Variants in TTC7B observed in about 807,000 individuals in gnomAD.
TTC7B encodes tetratricopeptide repeat protein 7B.
A neutral mutation model predicts 106.8 loss-of-function variants in TTC7B; 28 were observed. The observed-to-expected ratio is 0.26, with a 90% CI of 0.19 to 0.36. The LOEUF (loss-of-function observed/expected upper bound fraction) is 0.36. Ranked by LOEUF, TTC7B falls within the 10% of genes least tolerant of loss-of-function variation. The pLI is 1.00. For synonymous variants in TTC7B, 405 were observed against 430.6 expected (o/e 0.94, Z 0.74); for missense variants, 862 against 1,076.4 (o/e 0.80, Z 2.79).
At chr14:90,692,208 G>T (rs1020662090) in intron 6 of TTC7B, among the ~76,000 whole-genome samples, 12 of 152,026 alleles carry the variant, frequency 7.9e-5, no homozygotes, top group East Asian at 7.7e-4. Flanking sequence ...AACATCTGTG[G>T]TTTTTTTTGT....
In TTC7B at chr14:90,808,095, T is replaced by C. The variant is rs1210879459; in HGVS notation, c.121+8080A>G. Among the ~76,000 whole-genome samples, 1 of 152,204 alleles carries C rather than the reference T, an allele frequency of 6.6e-6. No homozygotes were observed. The highest frequency in any genetic ancestry group is 1.5e-5 in the Non-Finnish European group (1 of 68,034). Reference sequence around the variant, plus strand: ...AATTACCCCTGACATCATTCGCTTGTTGTGATGATTAACTGAGATCTGTGT... The same window carrying C: ...AATTACCCCTGACATCATTCGCTTGCTGTGATGATTAACTGAGATCTGTGT... On this transcript the variant is annotated intron_variant, in intron 1 of 19. Transcript: ENST00000328459. This position sits in a 1 kb window ranked among gnomAD's most constrained non-coding sequence, Gnocchi z 4.2.
intron 3 of TTC7B, among the ~76,000 whole-genome samples, chr14:90,765,725 T>C (rs1158952528): frequency 6.6e-6 from 1 of 152,134 alleles, no homozygotes; most frequent in Non-Finnish European, 1.5e-5. Flanking sequence ...GAGAAGCAAA[T>C]ATAAAGCTTG....
At chr14:90,651,463 AAGGC>A in intron 13 of TTC7B, among the ~76,000 whole-genome samples, 1 of 152,398 alleles carries the variant, frequency 6.6e-6, no homozygotes, top group East Asian at 1.9e-4. Context: ...CTGGCAGCTC[AAGGC>A]AGACCACCAC....
intron 19 of TTC7B, among the ~76,000 whole-genome samples, chr14:90,558,779 A>G (rs1890441282): frequency 6.6e-6 from 1 of 152,196 alleles, no homozygotes; most frequent in South Asian, 2.1e-4. Flanking sequence ...TTAGCAAGGA[A>G]AACAGAAACG....
rs754515358 is a variant in TTC7B, at chr14:90,578,089, C to T, written c.2310+17G>A. On this transcript the variant is annotated intron_variant, in intron 19 of 19. Transcript: ENST00000328459. The surrounding 1 kb of genome is among the most constrained non-coding windows in gnomAD (Gnocchi z 4.7). ...CCCATGCCAGAGTAGGGGCCACCGC[C>T]GGGCTCGTGGACTCACCAGTCGCTG... is the stretch of plus-strand genomic sequence containing the variant. 6.3e-6 allele frequency: 10 copies of T among 1,596,380 alleles called. No homozygotes were observed. The highest frequency in any genetic ancestry group is 1.7e-5 in the Admixed American group (1 of 57,334).
intron 1 of TTC7B, among the ~76,000 whole-genome samples, chr14:90,799,272 C>T (rs2030098002): frequency 6.6e-6 from 1 of 152,224 alleles, no homozygotes; most frequent in African/African-American, 2.4e-5. Context: ...AGCAGCTTCC[C>T]TTGCTCCCTC....
At chr14:90,646,139 T>C (rs1885438219) in intron 14 of TTC7B, among the ~76,000 whole-genome samples, 1 of 152,150 alleles carries the variant, frequency 6.6e-6, no homozygotes, top group South Asian at 2.1e-4. Context: ...CTCAATGCCA[T>C]TCCCAAGCAA....
chr14:90,764,001 CA>C (rs957710105), intron 3 of TTC7B, among the ~76,000 whole-genome samples: 5 of 151,824 alleles, frequency 3.3e-5, no homozygotes, highest in African/African-American at 4.8e-5. Flanking sequence ...AAATGTAAGC[CA>C]AAAAAATCTT....
At chr14:90,739,385 C>G (rs913218308) in intron 4 of TTC7B, among the ~76,000 whole-genome samples, 8 of 152,244 alleles carry the variant, frequency 5.3e-5, no homozygotes, top group Non-Finnish European at 1.2e-4. Context: ...GCCACAGCCC[C>G]ACCTTTCTCA....
rs578100670 is a variant in TTC7B, at chr14:90,680,038, T to A, written c.1014+434A>T. ...GCTGTGAAGACCAGAGCTTTATAGA[T>A]CCAACAAATGACTTATCCCAAAATT... On this transcript the variant is annotated intron_variant, in intron 8 of 19. Coordinates refer to ENST00000328459, the MANE Select transcript of TTC7B (RefSeq NM_001010854.2). 5.6e-4 allele frequency among the ~76,000 whole-genome samples: 86 copies of A among 152,296 alleles called. 1 individual carries two copies. Among genetic ancestry groups the A allele is most frequent in the African/African-American group, 1.9e-3 (79 of 41,548 alleles).
chr14:90,556,244 A>G (rs1018857368), intron 19 of TTC7B, among the ~76,000 whole-genome samples: 3 of 152,144 alleles, frequency 2.0e-5, no homozygotes, highest in African/African-American at 7.2e-5. Context: ...TGGGGATGCC[A>G]GGCATCCCCC....
In TTC7B at chr14:90,689,520, GA is replaced by G; in HGVS notation, c.950+19del. ...TCCTCCCAACCCATAACCTACAAGT[GA>G]GGACATCAACTTTCATACTTCTCTC... On this transcript the variant is annotated intron_variant, in intron 7 of 19. Transcript: ENST00000328459. The G allele has an allele frequency of 1.2e-6, 2 of 1,607,928 alleles. No individual in the cohort carries two copies. Among genetic ancestry groups the G allele is most frequent in the East Asian group, 4.5e-5 (2 of 44,744 alleles).
chr14:90,654,153 C>T (rs1885848091), intron 12 of TTC7B, among the ~76,000 whole-genome samples: 2 of 152,166 alleles, frequency 1.3e-5, no homozygotes, highest in East Asian at 1.9e-4. Context: ...AGTATTTCCT[C>T]GTAAGGGAGA....
At chr14:90,655,524 A>G (rs1279575559) in intron 11 of TTC7B, among the ~76,000 whole-genome samples, 1 of 152,216 alleles carries the variant, frequency 6.6e-6, no homozygotes, top group African/African-American at 2.4e-5. Flanking sequence ...CCCAGGATAT[A>G]AAGAATCCAT....
At chr14:90,739,142 A>C (rs547913944) in intron 4 of TTC7B, among the ~76,000 whole-genome samples, 1 of 152,330 alleles carries the variant, frequency 6.6e-6, no homozygotes. Context: ...CTCCTACTCC[A>C]GGCTCCCAGA....
chr14:90,554,185 C>T (rs1890204958), intron 19 of TTC7B, among the ~76,000 whole-genome samples: 1 of 152,214 alleles, frequency 6.6e-6, no homozygotes, highest in Non-Finnish European at 1.5e-5. Flanking sequence ...ATCGGTGGGA[C>T]ATCCGGAGAC....
At chr14:90,668,483 C>A (rs938154598) in intron 9 of TTC7B, among the ~76,000 whole-genome samples, 8 of 152,174 alleles carry the variant, frequency 5.3e-5, no homozygotes, top group African/African-American at 1.9e-4. Context: ...GGTCAAGGAT[C>A]ATCTGCCAGA....
chr14:90,632,974 TAC>T (rs1338708772), intron 15 of TTC7B, among the ~76,000 whole-genome samples: 2 of 152,238 alleles, frequency 1.3e-5, no homozygotes, highest in Non-Finnish European at 2.9e-5. Flanking sequence ...CTTCTTCCCA[TAC>T]AGTTAGTTTC....
At chr14:90,661,599 C>T (rs752935769) in intron 9 of TTC7B, among the ~76,000 whole-genome samples, 10 of 151,482 alleles carry the variant, frequency 6.6e-5, no homozygotes, top group South Asian at 2.1e-4. Flanking sequence ...AAATAAGACA[C>T]GGGAGCCGGT....
Sources: allele counts gnomAD v4.1 joint callset (sites outside exome capture counted in the v4.1 genomes callset), GRCh38; gene constraint gnomAD v4.1.1; non-coding constraint Gnocchi (gnomAD v3.1); transcripts MANE v1.5; gene names NCBI Gene and HGNC (gene_info 2026-07-23, HGNC 2026-07-21).